OTUD7A: variants seen among roughly 807,000 people sequenced by gnomAD.
OTUD7A encodes the protein OTU deubiquitinase 7A.
OTUD7A carries 12 observed loss-of-function variants against 65.7 expected under a neutral mutation model. That is an observed-to-expected ratio of 0.18 (90% CI 0.12 to 0.30). The LOEUF is 0.30. Ranked by LOEUF, OTUD7A falls within the 10% of genes least tolerant of loss-of-function variation. OTUD7A has a pLI of 1.00. For missense variants in OTUD7A, 1,148 were observed against 1,304.8 expected, an observed-to-expected ratio of 0.88 and a Z score of 1.85; for synonymous variants, 641 against 586.3, an observed-to-expected ratio of 1.09 and a Z score of -1.35.
chr15:31,865,909 A>C (rs1266500713), intron 1 of OTUD7A, among the ~76,000 whole-genome samples: 1 of 152,258 alleles, frequency 6.6e-6, no homozygotes, highest in African/African-American at 2.4e-5. Context: ...TCAATACTGC[A>C]TCTTACTCAT....
intron 1 of OTUD7A, among the ~76,000 whole-genome samples, chr15:31,838,650 C>T (rs1313692917): frequency 9.6e-6 from 1 of 103,882 alleles, no homozygotes. Context: ...CCTAACTGAT[C>T]TCAAAGACCC....
At chr15:31,582,049 T>G (rs1040156968) in intron 3 of OTUD7A, among the ~76,000 whole-genome samples, 4 of 152,232 alleles carry the variant, frequency 2.6e-5, no homozygotes, top group African/African-American at 9.6e-5. Flanking sequence ...TCTTGAATGC[T>G]TTGCTACTCA....
intron 1 of OTUD7A, among the ~76,000 whole-genome samples, chr15:31,860,385 C>A (rs1283558928): frequency 6.6e-6 from 1 of 151,686 alleles, no homozygotes; most frequent in East Asian, 1.9e-4. Flanking sequence ...CTAAGCAATT[C>A]GAGAAAAAAT....
chr15:31,483,459 C>G lies in OTUD7A; in HGVS notation c.2637G>C (p.Ala879=). 1 of 1,379,622 alleles carries G rather than the reference C, an allele frequency of 7.2e-7. No homozygotes were observed. The highest frequency in any genetic ancestry group is 9.4e-7 in the Non-Finnish European group (1 of 1,066,640). The allele number at this position is 1,379,622 out of a possible 1,614,324, so 85.5% of individuals were successfully genotyped here. Residue 879 remains alanine, a synonymous_variant, in exon 13 of 13, where the codon GCG becomes GCC. Coordinates refer to ENST00000307050, the MANE Select transcript of OTUD7A (RefSeq NM_001382637.1). ...LEFADADAPT[A]RSNGECGRGG... is the part of the protein sequence containing the mutation. ...CACGGCCGCACTCACCGTTCGAGCG[C>G]GCGGTCGGCGCGTCGGCGTCGGCGA...
intron 10 of OTUD7A, among the ~76,000 whole-genome samples, chr15:31,490,581 C>G (rs1595553922): frequency 6.6e-6 from 1 of 152,200 alleles, no homozygotes; most frequent in East Asian, 1.9e-4. Flanking sequence ...GAGAGACAGA[C>G]ATGAGCTTAA....
At chr15:31,708,281 G>A (rs1414605262) in intron 1 of OTUD7A, among the ~76,000 whole-genome samples, 3 of 152,192 alleles carry the variant, frequency 2.0e-5, no homozygotes, top group African/African-American at 7.2e-5. Context: ...AATGGTGAGA[G>A]CATGGATCGA....
Position 31,481,097 on chromosome 15 carries a change from G to A in OTUD7A, c.*2197C>T, listed in dbSNP as rs1212651003. 6.6e-6 allele frequency: 1 copy of A among 152,214 alleles called. No homozygotes were observed. The highest frequency in any genetic ancestry group is 1.5e-5 in the Non-Finnish European group (1 of 68,038). 9.4% of individuals were successfully genotyped at this position (152,214 alleles called of 1,614,324 possible). Reference sequence around the variant, plus strand: ...TTTTTTAAATTAGACAAACCTGGCAGATAGCGTGAGAAAGAAAATATCTGA... The same window carrying A: ...TTTTTTAAATTAGACAAACCTGGCAAATAGCGTGAGAAAGAAAATATCTGA... On this transcript the variant is annotated 3_prime_UTR_variant, in exon 13 of 13. Coordinates refer to ENST00000307050, the MANE Select transcript of OTUD7A (RefSeq NM_001382637.1).
At chr15:31,683,903 G>C (rs1892777154) in intron 1 of OTUD7A, among the ~76,000 whole-genome samples, 1 of 152,128 alleles carries the variant, frequency 6.6e-6, no homozygotes. Flanking sequence ...GTTTGAGTCA[G>C]AAAGAAACTG....
intron 1 of OTUD7A, among the ~76,000 whole-genome samples, chr15:31,867,688 C>G (rs899150425): frequency 2.0e-5 from 3 of 152,176 alleles, no homozygotes; most frequent in African/African-American, 7.2e-5. Flanking sequence ...TCAACTTTCT[C>G]CTCTCCAAAC....
At chr15:31,623,788 A>T (rs1890872763) in intron 3 of OTUD7A, among the ~76,000 whole-genome samples, 1 of 152,302 alleles carries the variant, frequency 6.6e-6, no homozygotes, top group East Asian at 1.9e-4. Context: ...CCACTGTCTG[A>T]CAAGCCCCAG....
chr15:31,757,557 G>A lies in OTUD7A; in HGVS notation c.-99-100480C>T, dbSNP rs1894849983. 2.0e-5 allele frequency among the ~76,000 whole-genome samples: 3 copies of A among 151,904 alleles called. No individual in the cohort carries two copies. In the South Asian group the frequency reaches 6.2e-4, roughly 32 times the overall value. ...AAATCAATGTAACAAGGAGATTTGGGAGCCAGCCCCTGGACATTACCAGCC... is the reference window on the plus strand; with the variant it reads ...AAATCAATGTAACAAGGAGATTTGGAAGCCAGCCCCTGGACATTACCAGCC... On this transcript the variant is annotated intron_variant, in intron 1 of 12. Transcript: ENST00000307050.
In OTUD7A at chr15:31,511,073, G is replaced by C. The variant is rs1436849034; in HGVS notation, c.894-7255C>G. On this transcript the variant is annotated intron_variant, in intron 8 of 12. Transcript: ENST00000307050. Reference sequence around the variant, plus strand: ...ATCTATATGTAACATACATATATATGTATATCTATATGTAACATACATATG... The same window carrying C: ...ATCTATATGTAACATACATATATATCTATATCTATATGTAACATACATATG... 2.0e-4 allele frequency among the ~76,000 whole-genome samples: 14 copies of C among 68,904 alleles called. 3 individuals carry two copies. Among genetic ancestry groups the C allele is most frequent in the South Asian group, 4.4e-4 (1 of 2,250 alleles). 45.2% of individuals were successfully genotyped at this position (68,904 alleles called of 152,430 possible). A position where few individuals can be genotyped will look rare whatever the true frequency, so the allele number is the denominator to read the frequency against.
chr15:31,578,556 CTT>C (rs33982900), intron 3 of OTUD7A, among the ~76,000 whole-genome samples: 6 of 146,408 alleles, frequency 4.1e-5, no homozygotes, highest in Non-Finnish European at 4.5e-5. Flanking sequence ...AACCAATGTC[CTT>C]TTTTTTTTTT....
intron 3 of OTUD7A, among the ~76,000 whole-genome samples, chr15:31,581,592 A>G (rs189940564): frequency 6.6e-6 from 1 of 152,372 alleles, no homozygotes; most frequent in East Asian, 1.9e-4. Context: ...CTGCAGGCTT[A>G]ACACCATGTG....
intron 1 of OTUD7A, among the ~76,000 whole-genome samples, chr15:31,752,891 G>A (rs1351289911): frequency 6.6e-6 from 1 of 152,096 alleles, no homozygotes; most frequent in Admixed American, 6.6e-5. Flanking sequence ...CATGGAAAAG[G>A]GGGCCAGTTC....
intron 8 of OTUD7A, among the ~76,000 whole-genome samples, chr15:31,507,574 G>C (rs547618647): frequency 1.3e-5 from 2 of 152,264 alleles, no homozygotes; most frequent in Admixed American, 6.5e-5. Context: ...TGTGGAGAGA[G>C]AAAGAACAAA....
intron 1 of OTUD7A, among the ~76,000 whole-genome samples, chr15:31,703,984 A>G (rs1442803944): frequency 1.4e-5 from 2 of 138,676 alleles, no homozygotes; most frequent in Non-Finnish European, 3.2e-5. Context: ...ATATGATTCC[A>G]TTGATATAAC....
chr15:31,496,168 A>G (rs1463061035), intron 10 of OTUD7A, among the ~76,000 whole-genome samples: 1 of 151,544 alleles, frequency 6.6e-6, no homozygotes, highest in Non-Finnish European at 1.5e-5. Flanking sequence ...TACTTCCTCC[A>G]TTATTTTATT....
chr15:31,783,389 A>G (rs1895591501), intron 1 of OTUD7A, among the ~76,000 whole-genome samples: 1 of 152,176 alleles, frequency 6.6e-6, no homozygotes, highest in Non-Finnish European at 1.5e-5. Flanking sequence ...CATTCTAAGG[A>G]GAGATTTGCT....
Sources: allele counts gnomAD v4.1 joint callset (sites outside exome capture counted in the v4.1 genomes callset), GRCh38; gene constraint gnomAD v4.1.1; transcripts MANE v1.5; gene names NCBI Gene and HGNC (gene_info 2026-07-23, HGNC 2026-07-21).